NBEA: variants seen among roughly 807,000 people sequenced by gnomAD.
NBEA encodes neurobeachin, also known as lysosomal-trafficking regulator 2.
Under a neutral mutation model 343.4 loss-of-function variants are expected in NBEA, and 44 were observed. The observed-to-expected ratio is 0.13, with a 90% CI of 0.10 to 0.16. The LOEUF is 0.16. NBEA is among the 10% of genes least tolerant of loss of function. The pLI, the probability that NBEA is intolerant of heterozygous loss-of-function variation, is 1.00. For synonymous variants in NBEA, 1,175 were observed against 1,238.7 expected (o/e 0.95, Z 1.08); for missense variants, 2,555 against 3,631.3 (o/e 0.70, Z 7.62).
chr13:35,308,456 A>ATATATATATATATATATATG (rs2037068453), intron 35 of NBEA, among the ~76,000 whole-genome samples: 4 of 118,052 alleles, frequency 3.4e-5, no homozygotes, highest in African/African-American at 1.6e-4. Context: ...ATATATATAT[A>ATATATATATATATATATATG]TATATATATA....
chr13:35,610,235 T>C (rs1262233632), intron 48 of NBEA, among the ~76,000 whole-genome samples: 1 of 152,014 alleles, frequency 6.6e-6, no homozygotes, highest in Non-Finnish European at 1.5e-5. Context: ...CTACAAAAAA[T>C]ACAAAACTTA....
At chr13:35,308,460 A>G (rs9600467) in intron 35 of NBEA, among the ~76,000 whole-genome samples, 1,422 of 112,286 alleles carry the variant, frequency 0.013, 116 homozygotes, top group African/African-American at 0.045. Context: ...ATATATATAT[A>G]TATATATATA....
chr13:35,044,827 TATAG>T (rs935261288), intron 2 of NBEA, 116 bp from the exon 3 acceptor site: 282 of 504,312 alleles, frequency 5.6e-4, no homozygotes, highest in Non-Finnish European at 7.1e-4. Context: ...TATATATATA[TATAG>T]AGAGAGAGAG....
intron 1 of NBEA, among the ~76,000 whole-genome samples, chr13:35,039,229 C>T (rs752787431): frequency 6.6e-6 from 1 of 151,056 alleles, no homozygotes; most frequent in Non-Finnish European, 1.5e-5. Flanking sequence ...AGCCATGCTG[C>T]TGGAGTCAGG....
chr13:35,318,631 G>A (rs1325742839), intron 36 of NBEA, among the ~76,000 whole-genome samples: 1 of 152,110 alleles, frequency 6.6e-6, no homozygotes, highest in Non-Finnish European at 1.5e-5. Context: ...GAGTTAGGGA[G>A]GAGTCCCTCT....
chr13:35,449,935 G>C (rs960944855), intron 39 of NBEA, among the ~76,000 whole-genome samples: 2 of 152,146 alleles, frequency 1.3e-5, no homozygotes, highest in Admixed American at 6.5e-5. Flanking sequence ...TGGTTATGTA[G>C]TAGGAGCTAG....
chr13:34,942,657 GA>G lies in NBEA; in HGVS notation c.-163del, dbSNP rs1218485995. On this transcript the variant is annotated 5_prime_UTR_variant, in exon 1 of 59. Coordinates refer to ENST00000379939, the MANE Select transcript of NBEA (RefSeq NM_001385012.1). ...GCCGCCTCCGCGGGGGAGAGCGCCG[GA>G]GCGGGCCGGGCTGAGGCGCAGGCGG... 2.5e-6 allele frequency: 1 copy of G among 398,730 alleles called. No individual in the cohort carries two copies. Among genetic ancestry groups the G allele is most frequent in the Non-Finnish European group, 4.2e-6 (1 of 239,382 alleles). The allele number at this position is 398,730 out of a possible 1,614,324, so 24.7% of individuals were successfully genotyped here.
intron 36 of NBEA, among the ~76,000 whole-genome samples, chr13:35,335,150 T>C (rs1258587973): frequency 6.6e-6 from 1 of 152,194 alleles, no homozygotes; most frequent in Non-Finnish European, 1.5e-5. Context: ...GAGTTCACTG[T>C]AGGTGTGTGG....
chr13:35,084,501 G>A (rs910356151), intron 10 of NBEA, among the ~76,000 whole-genome samples: 3 of 152,128 alleles, frequency 2.0e-5, no homozygotes, highest in East Asian at 3.9e-4. Context: ...ATAATGAAAC[G>A]AAGGTATAAA....
intron 39 of NBEA, among the ~76,000 whole-genome samples, chr13:35,449,682 C>A (rs2152943615): frequency 6.6e-6 from 1 of 152,202 alleles, no homozygotes. Context: ...CACCAAAAAT[C>A]AAATAGAATT....
At chr13:35,614,340 C>G (rs2082645588) in intron 48 of NBEA, among the ~76,000 whole-genome samples, 1 of 152,008 alleles carries the variant, frequency 6.6e-6, no homozygotes, top group Admixed American at 6.6e-5. Context: ...TCCTGAGTAC[C>G]CATTGTTATT....
intron 1 of NBEA, among the ~76,000 whole-genome samples, chr13:34,963,779 C>T (rs1008717287): frequency 6.6e-6 from 1 of 151,480 alleles, no homozygotes; most frequent in East Asian, 2.0e-4. Context: ...TCAGTAGTAT[C>T]AGCGGAAAAG....
intron 33 of NBEA, among the ~76,000 whole-genome samples, chr13:35,231,384 T>C (rs1196060645): frequency 2.0e-5 from 3 of 152,190 alleles, no homozygotes; most frequent in Admixed American, 2.0e-4. Flanking sequence ...TAATTACCTT[T>C]TTTTCATTTA....
chr13:35,254,889 A>G (rs1167191948), intron 34 of NBEA, among the ~76,000 whole-genome samples: 1 of 152,026 alleles, frequency 6.6e-6, no homozygotes, highest in East Asian at 1.9e-4. Context: ...TTATTGTTAC[A>G]TTAAAATAAT....
At chr13:35,340,402 G>A (rs1480721767) in intron 36 of NBEA, among the ~76,000 whole-genome samples, 2 of 152,066 alleles carry the variant, frequency 1.3e-5, no homozygotes, top group African/African-American at 4.8e-5. Context: ...GGTACCCAGA[G>A]TAGTGAAACT....
intron 40 of NBEA, among the ~76,000 whole-genome samples, chr13:35,464,582 T>A (rs1193377610): frequency 1.3e-5 from 2 of 152,234 alleles, no homozygotes; most frequent in Non-Finnish European, 2.9e-5. Flanking sequence ...ACAAATACCC[T>A]GACTTTCGAA....
intron 17 of NBEA, among the ~76,000 whole-genome samples, chr13:35,135,695 A>C (rs2067681057): frequency 6.6e-6 from 1 of 152,152 alleles, no homozygotes; most frequent in Non-Finnish European, 1.5e-5. Flanking sequence ...AGTCTAGTGG[A>C]CTTTATATCA....
intron 16 of NBEA, among the ~76,000 whole-genome samples, chr13:35,118,868 T>TC (rs1406191322): frequency 6.6e-6 from 1 of 152,022 alleles, no homozygotes; most frequent in Non-Finnish European, 1.5e-5. Flanking sequence ...TTTAGTGGTT[T>TC]TTTTCTTTCA....
intron 35 of NBEA, among the ~76,000 whole-genome samples, chr13:35,300,872 T>C (rs530297451): frequency 4.1e-4 from 63 of 152,292 alleles, no homozygotes; most frequent in Non-Finnish European, 7.1e-4. Flanking sequence ...TTTATACTTA[T>C]GCATTTTTGT....
Sources: allele counts gnomAD v4.1 joint callset (sites outside exome capture counted in the v4.1 genomes callset), GRCh38; gene constraint gnomAD v4.1.1; transcripts MANE v1.5; gene names NCBI Gene and HGNC (gene_info 2026-07-23, HGNC 2026-07-21).